Variants in SLC26A7 observed in about 807,000 individuals in gnomAD.
The protein encoded by SLC26A7 is anion exchange transporter.
In SLC26A7, 59 loss-of-function variants were observed where a neutral mutation model predicts 82.5. The observed-to-expected ratio is 0.72, with a 90% CI of 0.58 to 0.89. The LOEUF (loss-of-function observed/expected upper bound fraction) is 0.89, where lower values mean the gene tolerates loss of function less well. Ranked by LOEUF, SLC26A7 falls within the 40% of genes least tolerant of loss-of-function variation. The pLI is 0.00. For synonymous variants in SLC26A7, 271 were observed against 274.3 expected, an observed-to-expected ratio of 0.99 and a Z score of 0.12; for missense variants, 820 against 793.0, an observed-to-expected ratio of 1.03 and a Z score of -0.41.
Position 91,362,440 on chromosome 8 carries a change from G to C in SLC26A7, c.1402G>C (p.Val468Leu). Residue 468 changes from valine to leucine, a missense_variant, in exon 12 of 19, where the codon GTG (valine) becomes CTG (leucine). Val to Leu is a conservative substitution (Grantham distance 32, BLOSUM62 1). Transcript: ENST00000276609. ...TGGTGTTGTTTGTACCATAGCTATA[G>C]TGATAGGACGCTTCCCAAGGTAGGA... ...LFGVVCTIAI[V>L]IGRFPRAMTV... The C allele has an allele frequency of 1.9e-6, 3 of 1,612,858 alleles. No individual in the cohort carries two copies. The African/African-American group carries it at 4.0e-5, about 22-fold the overall frequency.
At chr8:91,327,091 G>A (rs1005662297) in intron 5 of SLC26A7, among the ~76,000 whole-genome samples, 10 of 152,112 alleles carry the variant, frequency 6.6e-5, no homozygotes, top group Non-Finnish European at 1.3e-4. Flanking sequence ...CACAGGCACT[G>A]GAGTTTAGAA....
chr8:91,227,315 TTCAC>T (rs1325144252), intron 2 of SLC26A7, among the ~76,000 whole-genome samples: 1 of 152,214 alleles, frequency 6.6e-6, no homozygotes, highest in Non-Finnish European at 1.5e-5. Context: ...ATTTTTGTTT[TTCAC>T]TCACATTTGC....
At chr8:91,392,897 C>CATTT (rs775589702) in intron 16 of SLC26A7, among the ~76,000 whole-genome samples, 1 of 152,106 alleles carries the variant, frequency 6.6e-6, no homozygotes, top group African/African-American at 2.4e-5. Context: ...AAATGGGAGC[C>CATTT]ATTTATTCAA....
At chr8:91,333,539 A>G (rs933677207) in intron 5 of SLC26A7, among the ~76,000 whole-genome samples, 1 of 152,066 alleles carries the variant, frequency 6.6e-6, no homozygotes, top group Non-Finnish European at 1.5e-5. Context: ...TCTATCATCT[A>G]TAACCTGGCC....
chr8:91,254,733 T>A (rs1042910235), intron 2 of SLC26A7, among the ~76,000 whole-genome samples: 1 of 152,162 alleles, frequency 6.6e-6, no homozygotes, highest in Non-Finnish European at 1.5e-5. Flanking sequence ...TTCAGGTCCT[T>A]CTTTTACTAA....
intron 15 of SLC26A7, 96 bp from the exon 16 acceptor site, chr8:91,389,242 A>G: frequency 6.5e-6 from 5 of 765,784 alleles, no homozygotes; most frequent in Non-Finnish European, 1.1e-5. Flanking sequence ...ACTGTTGTTA[A>G]ACATGAGGCC....
intron 15 of SLC26A7, among the ~76,000 whole-genome samples, chr8:91,386,379 C>T (rs533552477): frequency 6.3e-4 from 96 of 152,016 alleles, no homozygotes; most frequent in Non-Finnish European, 1.1e-3. Context: ...ATTTTTTCTA[C>T]GGAAATTTTT....
At position 91,397,501 on chromosome 8, in the gene SLC26A7, T is replaced by G. The variant is rs1808602428; in HGVS notation, c.*2404T>G. 6.6e-6 allele frequency: 1 copy of G among 152,496 alleles called. No individual in the cohort carries two copies. Among genetic ancestry groups the G allele is most frequent in the Non-Finnish European group, 1.5e-5 (1 of 67,936 alleles). The allele number at this position is 152,496 out of a possible 1,614,324, so 9.4% of individuals were successfully genotyped here. On this transcript the variant is annotated 3_prime_UTR_variant, in exon 19 of 19. Transcript: ENST00000276609. ...ATGGTAAAATAAAATTGGAAAAAAT[T>G]AAAACTGACCTATAAGAGTGTTAAG...
chr8:91,386,974 T>C (rs1814818455), intron 15 of SLC26A7, among the ~76,000 whole-genome samples: 1 of 152,174 alleles, frequency 6.6e-6, no homozygotes, highest in Non-Finnish European at 1.5e-5. Flanking sequence ...AATTTTTAAA[T>C]CTTACTTTGT....
At chr8:91,289,306 A>G (rs1811799875) in intron 3 of SLC26A7, 60 bp downstream of exon 3, 1 of 1,272,066 alleles carries the variant, frequency 7.9e-7, no homozygotes, top group Non-Finnish European at 1.1e-6. Flanking sequence ...AGTGATTATT[A>G]CTGATTACAT....
At chr8:91,259,923 A>G (rs1810916035) in intron 2 of SLC26A7, among the ~76,000 whole-genome samples, 1 of 152,122 alleles carries the variant, frequency 6.6e-6, no homozygotes, top group Non-Finnish European at 1.5e-5. Context: ...GGCTTACTCA[A>G]CTAATGAAAA....
At chr8:91,228,843 C>T (rs1040834365) in intron 2 of SLC26A7, among the ~76,000 whole-genome samples, 3 of 151,930 alleles carry the variant, frequency 2.0e-5, no homozygotes, top group South Asian at 2.1e-4. Context: ...GTTTTAAAAC[C>T]GACCAATTAA....
chr8:91,343,361 G>T lies in SLC26A7; in HGVS notation c.1035G>T (p.Leu345Phe). 6.2e-7 allele frequency: 1 copy of T among 1,603,830 alleles called. No homozygotes were observed. Among genetic ancestry groups the T allele is most frequent in the South Asian group, 1.1e-5 (1 of 89,520 alleles). Reference sequence around the variant, plus strand: ...TCTCATGAATCTTGCAGGAATTTTTGGCCCATGGCCTCAGCAATATAGTTT... The same window carrying T: ...TCTCATGAATCTTGCAGGAATTTTTTGCCCATGGCCTCAGCAATATAGTTT... The part of the protein sequence containing the change: ...KYSIDDNQEF[L>F]AHGLSNIVSS... Residue 345 changes from leucine (L) to phenylalanine (F), a missense_variant, in exon 9 of 19, where the codon TTG becomes TTT. Physicochemically the swap from Leu to Phe is conservative, Grantham distance 22. Transcript: ENST00000276609.
intron 2 of SLC26A7, among the ~76,000 whole-genome samples, chr8:91,243,310 A>G (rs1478116117): frequency 2.6e-5 from 4 of 152,198 alleles, no homozygotes; most frequent in African/African-American, 9.6e-5. Context: ...GATACAATAT[A>G]TAAAACGATG....
chr8:91,363,077 TAG>T (rs1412083335), intron 12 of SLC26A7, among the ~76,000 whole-genome samples: 2 of 152,078 alleles, frequency 1.3e-5, no homozygotes, highest in African/African-American at 4.8e-5. Context: ...TTTATCTCTA[TAG>T]AGTCTTTCTT....
chr8:91,273,027 A>C (rs563602766), intron 2 of SLC26A7, among the ~76,000 whole-genome samples: 54 of 152,308 alleles, frequency 3.5e-4, no homozygotes, highest in Admixed American at 3.5e-3. Flanking sequence ...TGTTTTATGT[A>C]ATATAAGGGT....
At chr8:91,308,628 G>A (rs1812391332) in intron 4 of SLC26A7, among the ~76,000 whole-genome samples, 1 of 152,160 alleles carries the variant, frequency 6.6e-6, no homozygotes, top group Non-Finnish European at 1.5e-5. Context: ...GTTATGTCAA[G>A]TGGGGAGTTA....
At chr8:91,369,716 ATG>A in intron 14 of SLC26A7, 67 bp from the exon 15 acceptor site, 2 of 1,147,162 alleles carry the variant, frequency 1.7e-6, no homozygotes, top group Non-Finnish European at 2.5e-6. Context: ...TAAAAGAATT[ATG>A]TGATTTTTTT....
intron 2 of SLC26A7, among the ~76,000 whole-genome samples, chr8:91,278,247 G>C (rs1811459571): frequency 6.6e-6 from 1 of 151,774 alleles, no homozygotes; most frequent in South Asian, 2.1e-4. Flanking sequence ...AAAAGGACCT[G>C]TCAGATTGCA....
Sources: gnomAD v4.1 joint callset for allele counts (sites outside exome capture counted in the v4.1 genomes callset) on GRCh38, gnomAD v4.1.1 for gene constraint, MANE v1.5 for transcripts, NCBI Gene and HGNC (gene_info 2026-07-23, HGNC 2026-07-21) for gene names.